Variants in RASEF observed in about 807,000 individuals in gnomAD.
The protein encoded by RASEF is ras and EF-hand domain-containing protein.
In RASEF, 68 loss-of-function variants were observed where a neutral mutation model predicts 90.1. The observed-to-expected ratio is 0.75, with a 90% CI of 0.62 to 0.92. The LOEUF is 0.92. RASEF is among the 40% of genes least tolerant of loss of function. The pLI is 0.00. For synonymous variants in RASEF, 331 were observed against 345.2 expected, an observed-to-expected ratio of 0.96 and a Z score of 0.46; for missense variants, 949 against 937.2, an observed-to-expected ratio of 1.01 and a Z score of -0.16.
the RASEF span, among the ~76,000 whole-genome samples, chr9:83,160,366 G>A: frequency 0.2 from 30,670 of 152,054 alleles, 3,237 homozygotes; most frequent in African/African-American, 0.26. Context: ...TTGGGAACTG[G>A]AGAAAAGGTG....
the RASEF span, among the ~76,000 whole-genome samples, chr9:83,102,644 A>T: frequency 6.6e-6 from 1 of 152,244 alleles, no homozygotes; most frequent in East Asian, 1.9e-4. Context: ...CGAGGGAAAA[A>T]CGTGGGCAAG....
At chr9:82,983,285 A>T (rs1276748716) in intron 16 of RASEF, among the ~76,000 whole-genome samples, 1 of 152,200 alleles carries the variant, frequency 6.6e-6, no homozygotes, top group East Asian at 1.9e-4. Context: ...AACAAAAGCA[A>T]TGGTGATTTT....
intron 9 of RASEF, 106 bp from the exon 10 acceptor site, chr9:83,001,236 G>A (rs530818550): frequency 1.4e-6 from 1 of 722,762 alleles, no homozygotes; most frequent in South Asian, 1.8e-5. Flanking sequence ...GCCGACTGTG[G>A]CTAAGAGCCG....
chr9:83,118,771 G>T, the RASEF span, among the ~76,000 whole-genome samples: 1 of 152,140 alleles, frequency 6.6e-6, no homozygotes, highest in African/African-American at 2.4e-5. Context: ...TTATCACTAA[G>T]CCAAGCTCCA....
At chr9:83,196,352 A>ATGC in the RASEF span, among the ~76,000 whole-genome samples, 1 of 152,082 alleles carries the variant, frequency 6.6e-6, no homozygotes, top group Admixed American at 6.6e-5. Flanking sequence ...GTGGGCTGTC[A>ATGC]TGTAGGTCTT....
chr9:83,130,592 G>C, the RASEF span, among the ~76,000 whole-genome samples: 1 of 152,116 alleles, frequency 6.6e-6, no homozygotes, highest in Admixed American at 6.5e-5. Flanking sequence ...GACTCACATG[G>C]GAGCAACACA....
chr9:83,090,664 T>G, the RASEF span, among the ~76,000 whole-genome samples: 1 of 152,144 alleles, frequency 6.6e-6, no homozygotes, highest in Non-Finnish European at 1.5e-5. Flanking sequence ...CCTCCCAAAG[T>G]GCTGGGATTA....
At chr9:83,042,505 T>C (rs1158801752) in intron 1 of RASEF, among the ~76,000 whole-genome samples, 2 of 152,234 alleles carry the variant, frequency 1.3e-5, no homozygotes, top group African/African-American at 4.8e-5. Context: ...CTCCATGTTT[T>C]GTGCTTATCT....
At chr9:83,085,485 T>C in the RASEF span, among the ~76,000 whole-genome samples, 2 of 151,984 alleles carry the variant, frequency 1.3e-5, no homozygotes, top group South Asian at 4.2e-4. Flanking sequence ...AATACAAAAA[T>C]TAGCCAGGCA....
At chr9:83,037,569 T>G (rs1034666851) in intron 1 of RASEF, among the ~76,000 whole-genome samples, 3 of 152,116 alleles carry the variant, frequency 2.0e-5, no homozygotes, top group African/African-American at 7.2e-5. Flanking sequence ...CAAATACACT[T>G]TAATATTCTG....
At chr9:83,000,873 G>A (rs1298729338) in intron 10 of RASEF, 23 bp downstream of exon 10, 2 of 1,573,642 alleles carry the variant, frequency 1.3e-6, no homozygotes, top group Non-Finnish European at 8.7e-7. Context: ...AGGCCTAGGA[G>A]AGCAGTGGTT....
At chr9:83,154,880 G>A in the RASEF span, among the ~76,000 whole-genome samples, 9 of 152,168 alleles carry the variant, frequency 5.9e-5, no homozygotes, top group Non-Finnish European at 1.0e-4. Context: ...ATGGAGGAAG[G>A]TATTTTCACT....
chr9:83,020,446 G>T (rs1339319228), intron 3 of RASEF, among the ~76,000 whole-genome samples: 6 of 152,190 alleles, frequency 3.9e-5, no homozygotes, highest in Admixed American at 2.0e-4. Context: ...ATTCCAGAGA[G>T]GCTGTGTTTA....
At chr9:83,122,721 C>T in the RASEF span, among the ~76,000 whole-genome samples, 9 of 152,322 alleles carry the variant, frequency 5.9e-5, no homozygotes, top group South Asian at 1.7e-3. Context: ...ATTTTATCAT[C>T]TCCATTATGT....
At chr9:83,095,208 A>T in the RASEF span, among the ~76,000 whole-genome samples, 2 of 152,208 alleles carry the variant, frequency 1.3e-5, no homozygotes, top group African/African-American at 4.8e-5. Context: ...TAAGGAATAA[A>T]ACACCAGTAG....
intron 12 of RASEF, among the ~76,000 whole-genome samples, chr9:82,999,706 C>T (rs1828988670): frequency 2.0e-5 from 3 of 151,604 alleles, no homozygotes; most frequent in Admixed American, 6.6e-5. Context: ...CAGGTTCAAG[C>T]GACTCTCCAG....
the RASEF span, among the ~76,000 whole-genome samples, chr9:83,185,144 G>A: frequency 6.6e-6 from 1 of 152,016 alleles, no homozygotes; most frequent in Middle Eastern, 3.2e-3. Flanking sequence ...TCTGTAGATA[G>A]CACAGTGATC....
At chr9:83,167,252 C>G in the RASEF span, among the ~76,000 whole-genome samples, 1 of 151,688 alleles carries the variant, frequency 6.6e-6, no homozygotes, top group East Asian at 1.9e-4. Flanking sequence ...AAAAAAAAAT[C>G]TGGTATATTA....
chr9:83,082,461 T>C, the RASEF span, among the ~76,000 whole-genome samples: 1 of 152,324 alleles, frequency 6.6e-6, no homozygotes, highest in East Asian at 1.9e-4. Flanking sequence ...TTTTATCGTT[T>C]GCACCAGCAC....
Sources: gnomAD v4.1 joint callset for allele counts (sites outside exome capture counted in the v4.1 genomes callset) on GRCh38, gnomAD v4.1.1 for gene constraint, MANE v1.5 for transcripts, NCBI Gene and HGNC (gene_info 2026-07-23, HGNC 2026-07-21) for gene names.